Variants in OSBP2 observed in about 807,000 individuals in gnomAD.
OSBP2 encodes oxysterol binding protein 2.
In OSBP2, 66 loss-of-function variants were observed where a neutral mutation model predicts 96.0. The observed-to-expected ratio is 0.69, with a 90% CI of 0.56 to 0.84. The LOEUF (loss-of-function observed/expected upper bound fraction) is 0.84, where lower values mean the gene tolerates loss of function less well. Ranked by LOEUF, OSBP2 falls within the 40% of genes least tolerant of loss-of-function variation. The pLI is 0.00. For synonymous variants in OSBP2, 525 were observed against 520.9 expected (o/e 1.01, Z -0.11); for missense variants, 1,038 against 1,222.7 (o/e 0.85, Z 2.25).
chr22:30,703,862 G>T (rs998588642), intron 1 of OSBP2, among the ~76,000 whole-genome samples: 1 of 152,194 alleles, frequency 6.6e-6, no homozygotes, highest in Non-Finnish European at 1.5e-5. Context: ...CAAAGAAGGG[G>T]CCTCTACCCT....
At chr22:30,802,606 C>T (rs918033748) in intron 2 of OSBP2, among the ~76,000 whole-genome samples, 2 of 152,256 alleles carry the variant, frequency 1.3e-5, no homozygotes, top group African/African-American at 4.8e-5. Context: ...GCGCCTTCCG[C>T]TGCCCGCCTG....
chr22:30,803,120 A>G, intron 2 of OSBP2: 1 of 208,284 alleles, frequency 4.8e-6, no homozygotes, highest in Admixed American at 6.1e-5. Flanking sequence ...AGCAGCTGCA[A>G]GAGCCCTCGC....
rs1023800692 is a variant in OSBP2, at chr22:30,905,821, A to G, written c.2376-16A>G. ...TCACACCGCAGCCACCGCCACCGCC[A>G]CCACCACCGCCACAGGGAGAACGCG... On this transcript the variant is annotated splice_polypyrimidine_tract_variant and intron_variant, in intron 12 of 13. Transcript: ENST00000332585. The G allele has an allele frequency of 1.2e-6, 2 of 1,610,940 alleles. No individual in the cohort carries two copies. Among genetic ancestry groups the G allele is most frequent in the Non-Finnish European group, 1.7e-6 (2 of 1,179,066 alleles).
intron 2 of OSBP2, among the ~76,000 whole-genome samples, chr22:30,854,305 T>C (rs943257766): frequency 5.8e-5 from 6 of 103,184 alleles, no homozygotes; most frequent in Non-Finnish European, 8.9e-5. Flanking sequence ...TATACAGTTA[T>C]CTTTTTTTTT....
chr22:30,787,351 A>C (rs1426706907), intron 2 of OSBP2, among the ~76,000 whole-genome samples: 1 of 152,096 alleles, frequency 6.6e-6, no homozygotes, highest in East Asian at 1.9e-4. Context: ...AAACCGTCAG[A>C]TCTCGTGATA....
chr22:30,787,273 A>G (rs921213322), intron 2 of OSBP2, among the ~76,000 whole-genome samples: 1 of 152,208 alleles, frequency 6.6e-6, no homozygotes, highest in African/African-American at 2.4e-5. Flanking sequence ...GGAAGGAAAC[A>G]CATTCTTCTT....
Position 30,893,548 on chromosome 22 carries a change from C to G in OSBP2, c.2076C>G (p.Gly692=), listed in dbSNP as rs1364771266. ...CAACTGTTCACAACATCATCGTGGG[C>G]AAGCTCTGGATCGACCAGGTCAGGG... ...STSTVHNIIV[G]KLWIDQSGDI... Residue 692 remains glycine, a synonymous_variant, in exon 10 of 14, where the codon GGC becomes GGG. Transcript: ENST00000332585. 1.2e-6 allele frequency: 2 copies of G among 1,613,988 alleles called. No homozygotes were observed. The highest frequency in any genetic ancestry group is 1.7e-6 in the Non-Finnish European group (2 of 1,179,970).
At chr22:30,835,802 G>A (rs1030988366) in intron 2 of OSBP2, among the ~76,000 whole-genome samples, 3 of 147,330 alleles carry the variant, frequency 2.0e-5, no homozygotes, top group East Asian at 2.0e-4. Context: ...TTGCAGCCTC[G>A]ACCTCCCCTA....
chr22:30,897,341 G>C (rs1239399377), intron 12 of OSBP2, among the ~76,000 whole-genome samples: 1 of 152,174 alleles, frequency 6.6e-6, no homozygotes, highest in Non-Finnish European at 1.5e-5. Flanking sequence ...AATCCAGCAA[G>C]TATATGGAGA....
chr22:30,749,283 A>G (rs1327796602), intron 2 of OSBP2, among the ~76,000 whole-genome samples: 1 of 152,138 alleles, frequency 6.6e-6, no homozygotes, highest in Non-Finnish European at 1.5e-5. Context: ...TTAAACTAAG[A>G]ATGCTTTTGT....
intron 1 of OSBP2, among the ~76,000 whole-genome samples, chr22:30,717,680 G>C (rs990007548): frequency 6.6e-6 from 1 of 152,218 alleles, no homozygotes; most frequent in African/African-American, 2.4e-5. Context: ...AAGATTGCTG[G>C]TTGAGACTCT....
chr22:30,830,433 C>T (rs1168293895), intron 2 of OSBP2, among the ~76,000 whole-genome samples: 1 of 152,254 alleles, frequency 6.6e-6, no homozygotes, highest in Non-Finnish European at 1.5e-5. Flanking sequence ...GCATGGCCAT[C>T]AGCCTTTCGG....
chr22:30,802,437 T>G (rs547403278), intron 2 of OSBP2, among the ~76,000 whole-genome samples: 54 of 152,284 alleles, frequency 3.5e-4, no homozygotes, highest in African/African-American at 1.3e-3. Context: ...AGCGTGTGAC[T>G]GGAGAAATGA....
intron 1 of OSBP2, among the ~76,000 whole-genome samples, chr22:30,720,419 C>T (rs951113577): frequency 1.3e-5 from 2 of 152,102 alleles, no homozygotes. Context: ...TGGCAGGAGG[C>T]CTCAGTTCCT....
At position 30,826,829 on chromosome 22, in the gene OSBP2, TTCCCCTGGTGCAC is replaced by T. The variant is rs1489085461; in HGVS notation, c.854-43585_854-43573del. Among the ~76,000 whole-genome samples, 6 of 152,182 alleles carry T rather than the reference TTCCCCTGGTGCAC, an allele frequency of 3.9e-5. No homozygotes were observed. The East Asian group carries it at 7.7e-4, about 20-fold the overall frequency. On this transcript the variant is annotated intron_variant, in intron 2 of 13. Coordinates refer to ENST00000332585, the MANE Select transcript of OSBP2 (RefSeq NM_030758.4). The stretch of plus-strand genomic sequence containing the variant: ...AGCTTCCTGTTCTTCCTCTGGGGCA[TTCCCCTGGTGCAC>T]TCCCCTGGTGCACTGGGACTCCCCT...
chr22:30,824,651 T>C (rs1472040296), intron 2 of OSBP2, among the ~76,000 whole-genome samples: 1 of 152,200 alleles, frequency 6.6e-6, no homozygotes, highest in African/African-American at 2.4e-5. Flanking sequence ...AGGGTGAGAC[T>C]GGCCTCCTGT....
At chr22:30,811,925 T>A (rs1273263140) in intron 2 of OSBP2, among the ~76,000 whole-genome samples, 1 of 151,504 alleles carries the variant, frequency 6.6e-6, no homozygotes, top group Non-Finnish European at 1.5e-5. Context: ...GGTGTAAGCA[T>A]AGCTCACTGC....
intron 2 of OSBP2, among the ~76,000 whole-genome samples, chr22:30,751,727 G>A (rs531333864): frequency 6.6e-6 from 1 of 152,284 alleles, no homozygotes; most frequent in South Asian, 2.1e-4. Flanking sequence ...GCCCACAGCC[G>A]GTGGCAGGAG....
intron 3 of OSBP2, among the ~76,000 whole-genome samples, chr22:30,879,468 C>T (rs907409341): frequency 2.0e-5 from 3 of 152,228 alleles, no homozygotes; most frequent in Admixed American, 6.5e-5. Flanking sequence ...ACATTCTGAT[C>T]GACCCCCGGT....
Sources: gnomAD v4.1 joint callset for allele counts (sites outside exome capture counted in the v4.1 genomes callset) on GRCh38, gnomAD v4.1.1 for gene constraint, MANE v1.5 for transcripts, NCBI Gene and HGNC (gene_info 2026-07-23, HGNC 2026-07-21) for gene names.